The following ZNF292 variants were observed in gnomAD, a reference collection of about 807,000 sequenced individuals.
ZNF292 encodes the protein 16 zinc-finger domain protein.
In ZNF292, 26 loss-of-function variants were observed where a neutral mutation model predicts 217.9. The observed-to-expected ratio is 0.12, with a 90% CI of 0.09 to 0.17. The LOEUF (loss-of-function observed/expected upper bound fraction) is 0.17. ZNF292 is among the 10% of genes least tolerant of loss of function. The pLI is 1.00. For synonymous variants in ZNF292, 1,257 were observed against 1,124.1 expected, an observed-to-expected ratio of 1.12 and a Z score of -2.37; for missense variants, 2,904 against 3,175.2, an observed-to-expected ratio of 0.91 and a Z score of 2.05.
chr6:87,215,053 G>A (rs1772675605), intron 1 of ZNF292: 1 of 152,042 alleles, frequency 6.6e-6, no homozygotes, highest in African/African-American at 2.4e-5. Context: ...ACCCTGAAGT[G>A]TGGAGAGGAC....
At chr6:87,238,050 G>A (rs1337483664) in intron 5 of ZNF292, among the ~76,000 whole-genome samples, 1 of 152,056 alleles carries the variant, frequency 6.6e-6, no homozygotes, top group African/African-American at 2.4e-5. Context: ...AGGATCCCAA[G>A]TACACCATGA....
At chr6:87,250,905 T>A (rs1562176559) in intron 7 of ZNF292, among the ~76,000 whole-genome samples, 1 of 152,234 alleles carries the variant, frequency 6.6e-6, no homozygotes, top group Non-Finnish European at 1.5e-5. Context: ...AGCAATATTA[T>A]ATGGGTCTTT....
Position 87,255,122 on chromosome 6 carries a change from CTGGTGGAGT to C in ZNF292, c.1499_1507del (p.Gly500_Gly502del). The C allele has an allele frequency of 6.2e-7, 1 of 1,613,688 alleles. No homozygotes were observed. Among genetic ancestry groups the C allele is most frequent in the Non-Finnish European group, 8.5e-7 (1 of 1,179,844 alleles). Reference sequence around the variant, plus strand: ...AAAGAAACTTCTATGAATGGGCTTTCTGGTGGAGTTGGTGCTAATTCTGGCCTTCTTAAA... The same window carrying C: ...AAAGAAACTTCTATGAATGGGCTTTCTGGTGCTAATTCTGGCCTTCTTAAA... On this transcript the variant is annotated inframe_deletion, in exon 8 of 8. Coordinates refer to ENST00000369577, the MANE Select transcript of ZNF292 (RefSeq NM_015021.3).
At chr6:87,211,298 G>T (rs1199685902) in intron 1 of ZNF292, among the ~76,000 whole-genome samples, 2 of 152,086 alleles carry the variant, frequency 1.3e-5, no homozygotes, top group African/African-American at 4.8e-5. Flanking sequence ...AGTGGTCCTG[G>T]TATGACCTGT....
chr6:87,196,959 A>G (rs1161381195), intron 1 of ZNF292, among the ~76,000 whole-genome samples: 2 of 152,238 alleles, frequency 1.3e-5, no homozygotes, highest in Non-Finnish European at 2.9e-5. Flanking sequence ...TTGATGAACA[A>G]AAGGTAAATT....
intron 5 of ZNF292, among the ~76,000 whole-genome samples, chr6:87,242,548 G>A (rs1256253023): frequency 6.6e-6 from 1 of 152,086 alleles, no homozygotes; most frequent in Admixed American, 6.6e-5. Flanking sequence ...AAATCAACTA[G>A]GAGAGGCATA....
intron 4 of ZNF292, 71 bp from the exon 5 acceptor site, chr6:87,233,254 C>T (rs1478230548): frequency 9.2e-7 from 1 of 1,089,864 alleles, no homozygotes; most frequent in African/African-American, 1.6e-5. Context: ...AAAAATATTT[C>T]TTATAAGTGT....
intron 7 of ZNF292, chr6:87,249,590 T>C (rs1243764334): frequency 6.3e-6 from 1 of 159,802 alleles, no homozygotes; most frequent in Non-Finnish European, 1.4e-5. Context: ...AGATTATTAT[T>C]ATTTTAGGAC....
intron 1 of ZNF292, among the ~76,000 whole-genome samples, chr6:87,160,740 A>G (rs1770718770): frequency 1.3e-5 from 2 of 151,990 alleles, no homozygotes; most frequent in African/African-American, 2.4e-5. Context: ...TCAACTGGGC[A>G]TAGTACTTTC....
Position 87,259,075 on chromosome 6 carries a change from A to G in ZNF292, c.5446A>G (p.Ile1816Val), listed in dbSNP as rs575291708. The change falls in exon 8 of 8, where the codon ATA becomes GTA. Residue 1816 changes from isoleucine (I) to valine (V), a missense_variant. By Grantham distance (29) the Ile-to-Val change is conservative. This residue lies in a region of ZNF292 where 622 missense variants were observed against 573.1 expected (regional missense o/e 1.09). Coordinates refer to ENST00000369577, the MANE Select transcript of ZNF292 (RefSeq NM_015021.3). The stretch of plus-strand genomic sequence containing the variant: ...CGATTCTTCTCCGTTTTCCTCCTTT[A>G]TAAGTGTCATGCCAACAAAAAGTAA... ...LPDSSPFSSFISVMPTKSNIP... is the reference protein window; with the variant it reads ...LPDSSPFSSFVSVMPTKSNIP... 21 of 1,613,300 alleles carry G rather than the reference A, an allele frequency of 1.3e-5. No individual in the cohort carries two copies. In the East Asian group the frequency reaches 2.5e-4, roughly 19 times the overall value.
In ZNF292 at chr6:87,237,253, T is replaced by C. The variant is rs116685689; in HGVS notation, c.741+3726T>C. Among the ~76,000 whole-genome samples, 731 of 152,232 alleles carry C rather than the reference T, an allele frequency of 4.8e-3. 3 individuals carry two copies. Among genetic ancestry groups the C allele is most frequent in the African/African-American group, 0.017 (700 of 41,544 alleles). ...ATTTTTTAAACTGTTTGTTTGTTTG[T>C]TTTTTTGGAGACAGAGTAAGCTTGC... On this transcript the variant is annotated intron_variant, in intron 5 of 7. Transcript: ENST00000369577.
At chr6:87,156,641 A>G (rs1174009017) in intron 1 of ZNF292, among the ~76,000 whole-genome samples, 1 of 152,194 alleles carries the variant, frequency 6.6e-6, no homozygotes, top group Non-Finnish European at 1.5e-5. Context: ...GTGGGAGAAG[A>G]CTGAGGTTCA....
Position 87,258,096 on chromosome 6 carries a change from T to A in ZNF292, c.4467T>A (p.Ile1489=). 6.2e-7 allele frequency: 1 copy of A among 1,613,338 alleles called. No homozygotes were observed. Among genetic ancestry groups the A allele is most frequent in the Non-Finnish European group, 8.5e-7 (1 of 1,179,594 alleles). The change falls in exon 8 of 8, where the codon ATT becomes ATA. Residue 1489 remains isoleucine, a synonymous_variant. Transcript: ENST00000369577. Reference sequence around the variant, plus strand: ...GTGTCAGTCAAGAAGGTAGTGAAATTATTAAACAGGCTTTGGAAACTGCTG... The same window carrying A: ...GTGTCAGTCAAGAAGGTAGTGAAATAATTAAACAGGCTTTGGAAACTGCTG... ...NTSVSQEGSE[I]IKQALETAGI... is the part of the protein sequence containing the mutation.
chr6:87,232,896 C>T lies in ZNF292; in HGVS notation c.539-429C>T, dbSNP rs568989164. On this transcript the variant is annotated intron_variant, in intron 4 of 7. Coordinates refer to ENST00000369577, the MANE Select transcript of ZNF292 (RefSeq NM_015021.3). ...CAAAATATTAGTTGAATCTCTTCTTCTGGAATGTCCCAATAGCTTTTTGTG... is the reference window on the plus strand; with the variant it reads ...CAAAATATTAGTTGAATCTCTTCTTTTGGAATGTCCCAATAGCTTTTTGTG... Among the ~76,000 whole-genome samples the T allele has an allele frequency of 5.3e-5, 8 of 152,178 alleles. No individual in the cohort carries two copies. The South Asian group carries it at 1.7e-3, about 32-fold the overall frequency.
chr6:87,248,258 C>T (rs1208596086), intron 7 of ZNF292, among the ~76,000 whole-genome samples: 1 of 152,164 alleles, frequency 6.6e-6, no homozygotes, highest in Non-Finnish European at 1.5e-5. Context: ...ACTTCCCTAT[C>T]CCTCTTTATA....
chr6:87,248,870 G>C (rs1774746610), intron 7 of ZNF292, among the ~76,000 whole-genome samples: 1 of 152,130 alleles, frequency 6.6e-6, no homozygotes, highest in South Asian at 2.1e-4. Flanking sequence ...CCAGAGGATG[G>C]GGTGCAAAAT....
At chr6:87,192,664 A>AT (rs918370265) in intron 1 of ZNF292, among the ~76,000 whole-genome samples, 1 of 152,102 alleles carries the variant, frequency 6.6e-6, no homozygotes, top group African/African-American at 2.4e-5. Context: ...TTCAGTTCTG[A>AT]TTTTTCAAAA....
At position 87,259,774 on chromosome 6, in the gene ZNF292, A is replaced by G. The variant is rs755899917; in HGVS notation, c.6145A>G (p.Ser2049Gly). The change falls in exon 8 of 8, where the codon AGT (serine) becomes GGT (glycine). Residue 2049 changes from serine (S) to glycine (G), a missense_variant. Ser to Gly is a moderately conservative substitution (Grantham distance 56, BLOSUM62 0). Transcript: ENST00000369577. ...IPEKQLVEKKSPDKTESSLQV... is the reference protein window; with the variant it reads ...IPEKQLVEKKGPDKTESSLQV... ...AGAAAAACAACTTGTAGAAAAAAAA[A>G]GTCCTGACAAAACAGAAAGTTCTTT... 16 of 1,602,926 alleles carry G rather than the reference A, an allele frequency of 1.0e-5. No homozygotes were observed. The highest frequency in any genetic ancestry group is 1.0e-5 in the Non-Finnish European group (12 of 1,174,476).
chr6:87,252,071 A>C (rs1774946445), intron 7 of ZNF292, among the ~76,000 whole-genome samples: 1 of 152,102 alleles, frequency 6.6e-6, no homozygotes. Context: ...TAAAATAGTT[A>C]TATTCTGCAA....
Sources: gnomAD v4.1 joint callset for allele counts (sites outside exome capture counted in the v4.1 genomes callset) on GRCh38, gnomAD v4.1.1 for gene constraint, gnomAD v4.1.1 regional missense constraint, MANE v1.5 for transcripts, NCBI Gene and HGNC (gene_info 2026-07-23, HGNC 2026-07-21) for gene names.